Variants in RIC1 observed in about 807,000 individuals in gnomAD.
RIC1 encodes RIC1 partner of RAB6A GEF complex.
In RIC1, 88 loss-of-function variants were observed where a neutral mutation model predicts 169.0. That is an observed-to-expected ratio of 0.52 (90% CI 0.44 to 0.62). RIC1 has a LOEUF of 0.62. RIC1 is among the 20% of genes least tolerant of loss of function. The pLI, the probability that RIC1 is intolerant of heterozygous loss-of-function variation, is 0.00. For synonymous variants in RIC1, 790 were observed against 601.5 expected (o/e 1.31, Z -4.59); for missense variants, 1,877 against 1,725.5 (o/e 1.09, Z -1.56).
At chr9:5,691,214 C>T (rs193114790) in intron 3 of RIC1, among the ~76,000 whole-genome samples, 1 of 151,690 alleles carries the variant, frequency 6.6e-6, no homozygotes, top group Non-Finnish European at 1.5e-5. Context: ...ACAAGTCACA[C>T]AAAATTATAT....
At chr9:5,652,904 G>T (rs1213038404) in intron 1 of RIC1, among the ~76,000 whole-genome samples, 1 of 152,098 alleles carries the variant, frequency 6.6e-6, no homozygotes, top group Non-Finnish European at 1.5e-5. Context: ...AAGAGTTGTT[G>T]TCAAGAATAG....
At chr9:5,647,936 GGGTGGTGGTGGTGGTGGTGGTGGT>G (rs77165192) in intron 1 of RIC1, among the ~76,000 whole-genome samples, 1 of 121,244 alleles carries the variant, frequency 8.2e-6, no homozygotes, top group Non-Finnish European at 1.7e-5. Context: ...GTGTGGGGGT[GGGTGGTGGTGGTGGTGGTGGTGGT>G]GGTGGTGGTG....
chr9:5,778,184 T>C (rs1279491675), downstream of RIC1, among the ~76,000 whole-genome samples: 5 of 152,232 alleles, frequency 3.3e-5, no homozygotes, highest in South Asian at 1.0e-3. Flanking sequence ...TTTCTAAGTA[T>C]TGCTACTGTA....
chr9:5,631,799 C>T (rs888796575), intron 1 of RIC1, among the ~76,000 whole-genome samples: 1 of 151,850 alleles, frequency 6.6e-6, no homozygotes, highest in Non-Finnish European at 1.5e-5. Flanking sequence ...ATCTTCTCTT[C>T]CTGGGATATG....
In RIC1 at chr9:5,656,633, G is replaced by T; in HGVS notation, c.195G>T (p.Gln65His). The change falls in exon 2 of 26, where the codon CAG becomes CAT. Residue 65 changes from glutamine (Q) to histidine (H), a missense_variant. Gln to His is a conservative substitution (Grantham distance 24). Coordinates refer to ENST00000414202, the MANE Select transcript of RIC1 (RefSeq NM_020829.4). ...TYKEPAKSST[Q>H]FGSYKQAEWR... ...AGGAGCCTGCAAAATCATCTACTCA[G>T]TTTGGATCCTACAAGCAAGCTGAAT... 12 of 1,609,936 alleles carry T rather than the reference G, an allele frequency of 7.5e-6. No homozygotes were observed. The highest frequency in any genetic ancestry group is 1.0e-5 in the Non-Finnish European group (12 of 1,178,022).
At chr9:5,682,625 C>G (rs1156951324) in intron 2 of RIC1, among the ~76,000 whole-genome samples, 1 of 152,124 alleles carries the variant, frequency 6.6e-6, no homozygotes, top group Non-Finnish European at 1.5e-5. Context: ...CTGAATCTGA[C>G]AATTATGTGT....
chr9:5,670,044 T>C (rs1454286513), intron 2 of RIC1, among the ~76,000 whole-genome samples: 1 of 152,184 alleles, frequency 6.6e-6, no homozygotes, highest in Non-Finnish European at 1.5e-5. Context: ...TTGTCACTGG[T>C]TATGTGTTTG....
At chr9:5,735,176 C>G (rs931963705) in intron 7 of RIC1, among the ~76,000 whole-genome samples, 1 of 151,828 alleles carries the variant, frequency 6.6e-6, no homozygotes, top group Admixed American at 6.6e-5. Flanking sequence ...ATAGAATATC[C>G]TGCATCCTAG....
At chr9:5,663,006 T>G (rs1819545608) in intron 2 of RIC1, among the ~76,000 whole-genome samples, 1 of 152,238 alleles carries the variant, frequency 6.6e-6, no homozygotes, top group African/African-American at 2.4e-5. Flanking sequence ...TTTAGCTGCA[T>G]CCCAGAGATT....
rs35477806 is a variant in RIC1, at chr9:5,718,139, C to CAAAAAAA, written c.441-2022_441-2016dup. Among the ~76,000 whole-genome samples, 54 of 28,088 alleles carry CAAAAAAA rather than the reference C, an allele frequency of 1.9e-3. 14 individuals carry two copies. Among genetic ancestry groups the CAAAAAAA allele is most frequent in the East Asian group, 4.1e-3 (4 of 964 alleles). The allele number at this position is 28,088 out of a possible 152,430, so 18.4% of individuals were successfully genotyped here. On this transcript the variant is annotated intron_variant, in intron 4 of 25. Transcript: ENST00000414202. ...TGGGCAACAGAGCAAGACTCCGTCT[C>CAAAAAAA]AAAAAAAAAAAAAAAAAAAAAAAAA...
chr9:5,777,415 A>G (rs1563735416), downstream of RIC1, among the ~76,000 whole-genome samples: 1 of 151,738 alleles, frequency 6.6e-6, no homozygotes, highest in East Asian at 1.9e-4. Flanking sequence ...AAAAAAAAAA[A>G]CAAATTGAGT....
chr9:5,657,548 C>T lies in RIC1; in HGVS notation c.252+858C>T, dbSNP rs142537968. On this transcript the variant is annotated intron_variant, in intron 2 of 25. Transcript: ENST00000414202. ...TGAAAAATTGTCTTATCCAAGGTTA[C>T]ATGCGTAGTGTATATTAGAGAGATA... Among the ~76,000 whole-genome samples, 63 of 152,236 alleles carry T rather than the reference C, an allele frequency of 4.1e-4. 1 individual carries two copies. The East Asian group carries it at 0.011, about 27-fold the overall frequency.
chr9:5,692,274 T>G (rs143675464), intron 3 of RIC1, among the ~76,000 whole-genome samples: 137 of 152,178 alleles, frequency 9.0e-4, no homozygotes, highest in African/African-American at 3.2e-3. Flanking sequence ...TTCAAGTTAT[T>G]TAATACCACC....
chr9:5,730,263 A>C (rs1319298526), intron 6 of RIC1, among the ~76,000 whole-genome samples: 1 of 152,142 alleles, frequency 6.6e-6, no homozygotes, highest in South Asian at 2.1e-4. Context: ...GCTGGAGAAA[A>C]AATATATTTT....
intron 1 of RIC1, among the ~76,000 whole-genome samples, chr9:5,654,566 T>G (rs1818979018): frequency 6.6e-6 from 1 of 151,802 alleles, no homozygotes; most frequent in African/African-American, 2.4e-5. Context: ...GTTTTTGAGA[T>G]TCAGTTTCTG....
chr9:5,763,721 G>C lies in RIC1; in HGVS notation c.2694G>C (p.Leu898=), dbSNP rs1220389044. Residue 898 remains leucine (L), a synonymous_variant, in exon 19 of 26, where the codon CTG becomes CTC. Transcript: ENST00000414202. This position sits in a 1 kb window ranked among gnomAD's most constrained non-coding sequence, Gnocchi z 5.2. Reference sequence around the variant, plus strand: ...TTATCACTGAGTTCCCCCTCTTCCTGCAGACAGTTGTCCATTGTGCCAGGA... The same window carrying C: ...TTATCACTGAGTTCCCCCTCTTCCTCCAGACAGTTGTCCATTGTGCCAGGA... ...AKFITEFPLF[L]QTVVHCARKT... The C allele has an allele frequency of 2.5e-6, 4 of 1,614,122 alleles. No homozygotes were observed. Among genetic ancestry groups the C allele is most frequent in the Admixed American group, 3.3e-5 (2 of 60,016 alleles).
chr9:5,662,620 G>C (rs1202688077), intron 2 of RIC1, among the ~76,000 whole-genome samples: 3 of 152,038 alleles, frequency 2.0e-5, no homozygotes, highest in Admixed American at 6.5e-5. Context: ...TCTATTTAAT[G>C]TGCATTGATG....
At chr9:5,753,446 G>T in intron 13 of RIC1, 90 bp from the exon 14 acceptor site, 1 of 857,562 alleles carries the variant, frequency 1.2e-6, no homozygotes, top group Non-Finnish European at 1.8e-6. Flanking sequence ...TTTATTAATT[G>T]TCTGTTTGCC....
At chr9:5,718,089 G>A (rs967874476) in intron 4 of RIC1, among the ~76,000 whole-genome samples, 51 of 125,324 alleles carry the variant, frequency 4.1e-4, no homozygotes, top group Admixed American at 2.7e-3. Context: ...GCAGTGAGCT[G>A]AGATGGTACC....
Sources: allele counts gnomAD v4.1 joint callset (sites outside exome capture counted in the v4.1 genomes callset), GRCh38; gene constraint gnomAD v4.1.1; non-coding constraint Gnocchi (gnomAD v3.1); transcripts MANE v1.5; gene names NCBI Gene and HGNC (gene_info 2026-07-23, HGNC 2026-07-21).